The following PDZD2 variants were observed in gnomAD, a reference collection of about 807,000 sequenced individuals.
PDZD2 encodes PDZ domain-containing protein 2.
A neutral mutation model predicts 220.7 loss-of-function variants in PDZD2; 90 were observed. The ratio of observed to expected loss-of-function variants is 0.41; its 90% confidence interval spans 0.34 to 0.49. PDZD2 has a LOEUF of 0.49. Among genes scored for constraint, PDZD2 ranks in the 20% least tolerant of loss-of-function variants. The pLI is 0.28. For synonymous variants in PDZD2, 1,375 were observed against 1,450.5 expected (o/e 0.95, Z 1.18); for missense variants, 3,174 against 3,608.5 (o/e 0.88, Z 3.08).
At chr5:31,719,199 TG>T (rs1748635050) in intron 1 of PDZD2, among the ~76,000 whole-genome samples, 1 of 152,188 alleles carries the variant, frequency 6.6e-6, no homozygotes, top group Non-Finnish European at 1.5e-5. Flanking sequence ...CAATAATTTG[TG>T]AGTCAATGGT....
At chr5:32,032,913 A>G (rs1755236922) in intron 6 of PDZD2, among the ~76,000 whole-genome samples, 1 of 152,192 alleles carries the variant, frequency 6.6e-6, no homozygotes, top group Non-Finnish European at 1.5e-5. Flanking sequence ...GATGCTAAAG[A>G]TGCTTCTTCA....
At position 32,072,313 on chromosome 5, in the gene PDZD2, C is replaced by T; in HGVS notation, c.2721C>T (p.Thr907=). The part of the protein sequence containing the change: ...TSEEGSLPPS[T]STHKEPGKPR... ...AGGAGGGCAGCCTGCCTCCCAGCACCTCCAGTAAGCAGGGGTGCCCCAGAG... is the reference window on the plus strand; with the variant it reads ...AGGAGGGCAGCCTGCCTCCCAGCACTTCCAGTAAGCAGGGGTGCCCCAGAG... The change falls in exon 17 of 25, where the codon ACC becomes ACT. Residue 907 remains threonine (T), a synonymous_variant. Coordinates refer to ENST00000438447, the MANE Select transcript of PDZD2 (RefSeq NM_178140.4). 6.2e-7 allele frequency: 1 copy of T among 1,610,890 alleles called. No homozygotes were observed. Among genetic ancestry groups the T allele is most frequent in the Non-Finnish European group, 8.5e-7 (1 of 1,178,242 alleles).
intron 2 of PDZD2, among the ~76,000 whole-genome samples, chr5:31,903,746 G>A (rs538222426): frequency 3.3e-5 from 5 of 151,716 alleles, no homozygotes; most frequent in Admixed American, 6.6e-5. Context: ...TTTTTGAGAC[G>A]GAATTTTGTT....
At chr5:31,946,333 G>A (rs984969477) in intron 2 of PDZD2, among the ~76,000 whole-genome samples, 1 of 152,168 alleles carries the variant, frequency 6.6e-6, no homozygotes, top group African/African-American at 2.4e-5. Flanking sequence ...GTCTCTGCAG[G>A]AAGAGTCCCT....
At chr5:31,908,770 C>T (rs978173218) in intron 2 of PDZD2, 29 of 904,338 alleles carry the variant, frequency 3.2e-5, no homozygotes, top group African/African-American at 8.3e-5. Flanking sequence ...TCTGGCCGGG[C>T]GTGGTGGCTC....
At chr5:31,923,361 A>C (rs1051580497) in intron 2 of PDZD2, 2 of 1,138,282 alleles carry the variant, frequency 1.8e-6, no homozygotes, top group Non-Finnish European at 2.7e-6. Flanking sequence ...CCACACGGCC[A>C]TCGCCATGGT....
intron 1 of PDZD2, among the ~76,000 whole-genome samples, chr5:31,769,002 C>A (rs1313754395): frequency 1.3e-5 from 2 of 152,194 alleles, no homozygotes; most frequent in Non-Finnish European, 2.9e-5. Flanking sequence ...GTAAATTCGT[C>A]CAGAATGAAT....
rs559269760 is a variant in PDZD2, at chr5:31,869,540, G to A, written c.476+69816G>A. On this transcript the variant is annotated intron_variant, in intron 2 of 24. Transcript: ENST00000438447. ...GATCACGCCACTGCACTCCAGCCTG[G>A]GCGACAGAGCGAGACTCTGTCTCAA... Among the ~76,000 whole-genome samples the A allele has an allele frequency of 2.6e-5, 4 of 152,114 alleles. No homozygotes were observed. In the East Asian group the frequency reaches 5.8e-4, roughly 22 times the overall value.
intron 6 of PDZD2, among the ~76,000 whole-genome samples, chr5:32,012,432 G>A (rs2112092086): frequency 6.6e-6 from 1 of 152,204 alleles, no homozygotes; most frequent in African/African-American, 2.4e-5. Context: ...CGCCCAGACT[G>A]TAGTGCAGTG....
chr5:31,650,897 T>C (rs554843724), intron 1 of PDZD2, among the ~76,000 whole-genome samples: 94 of 152,330 alleles, frequency 6.2e-4, no homozygotes, highest in African/African-American at 2.0e-3. Context: ...CATTTTCAGA[T>C]TGGCTATTAG....
Position 31,799,570 on chromosome 5 carries a change from A to C in PDZD2, c.322A>C (p.Thr108Pro), listed in dbSNP as rs778076060. The change falls in exon 2 of 25, where the codon ACC becomes CCC. Residue 108 changes from threonine (T) to proline (P), a missense_variant. Thr to Pro is a conservative substitution (Grantham distance 38). This residue lies in a region of PDZD2 where 632 missense variants were observed against 708.1 expected (regional missense o/e 0.89). Transcript: ENST00000438447. ...GCGCAGGGGGGGCAAGAAGAGGAAAACCCACCAGGGTCCTGTGCTGGATGT... is the reference window on the plus strand; with the variant it reads ...GCGCAGGGGGGGCAAGAAGAGGAAACCCCACCAGGGTCCTGTGCTGGATGT... ...EKRRGGKKRK[T>P]HQGPVLDVGC... 1 of 1,613,948 alleles carries C rather than the reference A, an allele frequency of 6.2e-7. No individual in the cohort carries two copies. Among genetic ancestry groups the C allele is most frequent in the Non-Finnish European group, 8.5e-7 (1 of 1,179,976 alleles).
intron 2 of PDZD2, chr5:31,847,629 A>G: frequency 4.8e-6 from 3 of 626,110 alleles, no homozygotes; most frequent in South Asian, 1.4e-5. Flanking sequence ...AGGAATGCCA[A>G]GTGGTGGTGA....
intron 1 of PDZD2, among the ~76,000 whole-genome samples, chr5:31,653,787 T>TTTTGTTTG (rs79692300): frequency 3.3e-5 from 5 of 151,678 alleles, no homozygotes; most frequent in African/African-American, 9.7e-5. Flanking sequence ...AGTATATGTT[T>TTTTGTTTG]TTTGTTTGTT....
intron 2 of PDZD2, among the ~76,000 whole-genome samples, chr5:31,973,967 G>A (rs2111801126): frequency 6.6e-6 from 1 of 152,308 alleles, no homozygotes; most frequent in East Asian, 1.9e-4. Context: ...AGACTGCAAT[G>A]AGGTTTGTTT....
At chr5:32,023,746 A>C (rs923537081) in intron 6 of PDZD2, among the ~76,000 whole-genome samples, 1 of 152,166 alleles carries the variant, frequency 6.6e-6, no homozygotes, top group African/African-American at 2.4e-5. Context: ...GGCAGTGGGG[A>C]GATGGGTAGG....
At chr5:31,870,482 A>G (rs924296972) in intron 2 of PDZD2, among the ~76,000 whole-genome samples, 1 of 152,218 alleles carries the variant, frequency 6.6e-6, no homozygotes, top group Admixed American at 6.5e-5. Context: ...TCATATTTTT[A>G]AAAAGGAAGA....
intron 2 of PDZD2, among the ~76,000 whole-genome samples, chr5:31,840,122 GA>G (rs1757173472): frequency 6.6e-6 from 1 of 151,962 alleles, no homozygotes; most frequent in Non-Finnish European, 1.5e-5. Flanking sequence ...CAGCTACTCA[GA>G]ATGCTGAGGT....
Position 32,000,236 on chromosome 5 carries a change from G to A in PDZD2, c.1219G>A (p.Ala407Thr), listed in dbSNP as rs756638054. 33 of 1,614,056 alleles carry A rather than the reference G, an allele frequency of 2.0e-5. No homozygotes were observed. The East Asian group carries it at 3.6e-4, about 17-fold the overall frequency. ...GGAAGCAGTGGCCATTCTTCGCTCC[G>A]CCACGGGAATGGTGCAGCTTGTGGT... Reference protein sequence around the residue: ...HEEAVAILRSATGMVQLVVAS... With the variant: ...HEEAVAILRSTTGMVQLVVAS... The change falls in exon 5 of 25, where the codon GCC becomes ACC. Residue 407 changes from alanine (A) to threonine (T), a missense_variant. By Grantham distance (58) the Ala-to-Thr change is moderately conservative. This residue lies in a region of PDZD2 where 632 missense variants were observed against 708.1 expected (regional missense o/e 0.89). Coordinates refer to ENST00000438447, the MANE Select transcript of PDZD2 (RefSeq NM_178140.4). This position sits in a 1 kb window ranked among gnomAD's most constrained non-coding sequence, Gnocchi z 4.5.
At chr5:32,053,700 A>G (rs778082751) in intron 9 of PDZD2, 69 bp from the exon 10 acceptor site, 1 of 877,288 alleles carries the variant, frequency 1.1e-6, no homozygotes, top group Non-Finnish European at 2.0e-6. Flanking sequence ...GTTAAATACT[A>G]CAATGGGAAA....
Sources: gnomAD v4.1 joint callset for allele counts (sites outside exome capture counted in the v4.1 genomes callset) on GRCh38, gnomAD v4.1.1 for gene constraint, gnomAD v4.1.1 regional missense constraint, Gnocchi (gnomAD v3.1) non-coding constraint, MANE v1.5 for transcripts, NCBI Gene and HGNC (gene_info 2026-07-23, HGNC 2026-07-21) for gene names.